The following PDK3 variants were observed in gnomAD, a reference collection of about 807,000 sequenced individuals.
The protein encoded by PDK3 is pyruvate dehydrogenase kinase, isozyme 3.
Under a neutral mutation model 32.0 loss-of-function variants are expected in PDK3, and 12 were observed. That is an observed-to-expected ratio of 0.37 (90% CI 0.24 to 0.61). The LOEUF (loss-of-function observed/expected upper bound fraction) is 0.61, where lower values mean the gene tolerates loss of function less well. Ranked by LOEUF, PDK3 falls within the 20% of genes least tolerant of loss-of-function variation. PDK3 has a pLI of 0.65. For missense variants in PDK3, 188 were observed against 316.9 expected (o/e 0.59, Z 3.09); for synonymous variants, 122 against 116.3 (o/e 1.05, Z -0.31).
chrX:24,502,592 A>G (rs1921885089), intron 3 of PDK3, among the ~76,000 whole-genome samples: 1 of 112,026 alleles, frequency 8.9e-6, no homozygotes. Context: ...CTTAAACTGT[A>G]TGAGACACTT....
chrX:24,484,701 A>G (rs1375794550), intron 1 of PDK3, among the ~76,000 whole-genome samples: 1 of 112,234 alleles, frequency 8.9e-6, no homozygotes, highest in Non-Finnish European at 1.9e-5. Flanking sequence ...GTCAGACCCC[A>G]TTAGGAAGCT....
chrX:24,537,379 T>C (rs1922804266), downstream of PDK3, among the ~76,000 whole-genome samples: 1 of 104,810 alleles, frequency 9.5e-6, no homozygotes, highest in Non-Finnish European at 2.0e-5. Flanking sequence ...GTGATCTGCC[T>C]GCCTTGGCCT....
chrX:24,539,805 G>A (rs1229233306), exon 12 of PDK3: 1 of 112,444 alleles, frequency 8.9e-6, no homozygotes, highest in Non-Finnish European at 1.9e-5. Flanking sequence ...GTATATGTCT[G>A]TTGATTAAAG....
At chrX:24,479,689 G>A (rs1921199712) in intron 1 of PDK3, among the ~76,000 whole-genome samples, 1 of 110,823 alleles carries the variant, frequency 9.0e-6, no homozygotes, top group South Asian at 3.8e-4. Context: ...GGAGGCTGAG[G>A]CAGGAGAATC....
chrX:24,533,800 A>T, intron 10 of PDK3, 129 bp from the exon 11 acceptor site: 1 of 718,420 alleles, frequency 1.4e-6, no homozygotes, highest in Non-Finnish European at 1.9e-6. Flanking sequence ...ACTAAGGTGT[A>T]ATTTTAATAT....
At chrX:24,515,704 T>C (rs1453069099) in intron 5 of PDK3, among the ~76,000 whole-genome samples, 1 of 112,299 alleles carries the variant, frequency 8.9e-6, no homozygotes, top group Non-Finnish European at 1.9e-5. Flanking sequence ...AGTCTTGATT[T>C]CTCTTCTTTT....
At chrX:24,535,692 T>C (rs1922758832), downstream of PDK3, among the ~76,000 whole-genome samples, 1 of 109,654 alleles carries the variant, frequency 9.1e-6, no homozygotes, top group Non-Finnish European at 1.9e-5. Context: ...ATTACACTAT[T>C]CATACTATTT....
At chrX:24,506,169 G>C (rs1346310123) in intron 5 of PDK3, among the ~76,000 whole-genome samples, 1 of 111,767 alleles carries the variant, frequency 8.9e-6, no homozygotes, top group African/African-American at 3.3e-5. Context: ...CAGACCTGTT[G>C]GTTTTAGCTT....
intron 10 of PDK3, among the ~76,000 whole-genome samples, chrX:24,533,648 G>A (rs754018399): frequency 8.9e-6 from 1 of 111,933 alleles, no homozygotes; most frequent in South Asian, 3.7e-4. Context: ...AGTCAAAACA[G>A]TTGAGCATCT....
At chrX:24,499,002 C>A in intron 3 of PDK3, 102 bp downstream of exon 3, 2 of 423,218 alleles carry the variant, frequency 4.7e-6, no homozygotes, top group Non-Finnish European at 3.8e-6. Flanking sequence ...TGAATGTGGA[C>A]AAAAGCGTTC....
intron 1 of PDK3, among the ~76,000 whole-genome samples, chrX:24,494,204 G>C (rs1295243886): frequency 8.9e-6 from 1 of 112,010 alleles, no homozygotes; most frequent in East Asian, 2.8e-4. Flanking sequence ...CTCAGTCAGA[G>C]CCCCTCCTCT....
chrX:24,482,189 A>G (rs1921277959), intron 1 of PDK3, among the ~76,000 whole-genome samples: 1 of 111,685 alleles, frequency 9.0e-6, no homozygotes, highest in African/African-American at 3.3e-5. Flanking sequence ...CATGGTTAAA[A>G]TTCAGGTAGA....
chrX:24,488,150 G>C (rs879226132), intron 1 of PDK3, among the ~76,000 whole-genome samples: 1 of 111,299 alleles, frequency 9.0e-6, no homozygotes, highest in Non-Finnish European at 1.9e-5. Context: ...TGTAAACCAG[G>C]TATAAAGAAA....
chrX:24,485,563 T>G (rs968708526), intron 1 of PDK3, among the ~76,000 whole-genome samples: 3 of 110,580 alleles, frequency 2.7e-5, no homozygotes, highest in Non-Finnish European at 5.7e-5. Flanking sequence ...GAAGGCTGGC[T>G]GGGTGCCAAC....
intron 1 of PDK3, among the ~76,000 whole-genome samples, chrX:24,478,972 G>T (rs1921181416): frequency 8.9e-6 from 1 of 111,929 alleles, no homozygotes; most frequent in Non-Finnish European, 1.9e-5. Context: ...TAAATATTTT[G>T]CCATGTGTTG....
intron 1 of PDK3, among the ~76,000 whole-genome samples, chrX:24,475,428 A>G (rs893734286): frequency 2.7e-5 from 3 of 111,428 alleles, no homozygotes; most frequent in African/African-American, 9.8e-5. Context: ...AGGCTGAGGC[A>G]GGAGGATCGC....
chrX:24,474,383 T>TTTTTTTTATTTA lies in PDK3; in HGVS notation c.106+8825_106+8826insTTTTATTTATTT, dbSNP rs367964670. Among the ~76,000 whole-genome samples the TTTTTTTTATTTA allele has an allele frequency of 1.8e-3, 172 of 96,797 alleles. 2 individuals are homozygous for TTTTTTTTATTTA. The highest frequency in any genetic ancestry group is 6.3e-3 in the African/African-American group (164 of 26,163). 84.1% of individuals were successfully genotyped at this position (96,797 alleles called of 115,157 possible). On this transcript the variant is annotated intron_variant, in intron 1 of 10. Transcript: ENST00000379162. Reference sequence around the variant, plus strand: ...TCATTTAGTCAGTTATATAAGTTTATTTTATTTATTTATTTATTTATTTAT... The same window carrying TTTTTTTTATTTA: ...TCATTTAGTCAGTTATATAAGTTTATTTTTTTTATTTATTTATTTATTTATTTATTTATTTAT...
intron 1 of PDK3, among the ~76,000 whole-genome samples, chrX:24,468,993 T>C (rs1006634145): frequency 4.4e-4 from 49 of 111,945 alleles, no homozygotes; most frequent in African/African-American, 1.5e-3. Context: ...GCTTTGTCTG[T>C]TCCTTGTTTT....
intron 6 of PDK3, among the ~76,000 whole-genome samples, chrX:24,524,218 A>G (rs1922467780): frequency 8.9e-6 from 1 of 112,381 alleles, no homozygotes; most frequent in African/African-American, 3.2e-5. Flanking sequence ...TAGAACTTCA[A>G]TCAAAAACAA....
Sources: allele counts gnomAD v4.1 joint callset (sites outside exome capture counted in the v4.1 genomes callset), GRCh38; gene constraint gnomAD v4.1.1; transcripts MANE v1.5; gene names NCBI Gene and HGNC (gene_info 2026-07-23, HGNC 2026-07-21).